GYS2: variants seen among roughly 807,000 people sequenced by gnomAD.
GYS2 encodes glycogen [starch] synthase, liver.
A neutral mutation model predicts 85.6 loss-of-function variants in GYS2; 80 were observed. The ratio of observed to expected loss-of-function variants is 0.93; its 90% CI spans 0.78 to 1.13. The LOEUF is 1.13. GYS2 is among the 50% of genes most tolerant of loss of function. GYS2 has a pLI of 0.00. For synonymous variants in GYS2, 328 were observed against 300.7 expected (o/e 1.09, Z -0.94); for missense variants, 881 against 854.9 (o/e 1.03, Z -0.38).
At chr12:21,535,877 A>T (rs186743750), downstream of GYS2, among the ~76,000 whole-genome samples, 1 of 152,364 alleles carries the variant, frequency 6.6e-6, no homozygotes, top group African/African-American at 2.4e-5. Flanking sequence ...TTGCCAATTT[A>T]GACTTAATTA....
At chr12:21,596,527 A>G (rs1201870286) in intron 1 of GYS2, among the ~76,000 whole-genome samples, 1 of 152,150 alleles carries the variant, frequency 6.6e-6, no homozygotes, top group Non-Finnish European at 1.5e-5. Context: ...GATGCAGAAA[A>G]AGCATTCAAC....
chr12:21,539,126 C>T, intron 15 of GYS2, 132 bp downstream of exon 15: 1 of 649,578 alleles, frequency 1.5e-6, no homozygotes, highest in Non-Finnish European at 2.7e-6. Flanking sequence ...TCCTCTCTCT[C>T]TCCTTTGGTT....
chr12:21,585,739 G>T (rs1049767857), intron 1 of GYS2, among the ~76,000 whole-genome samples: 1 of 152,064 alleles, frequency 6.6e-6, no homozygotes, highest in East Asian at 1.9e-4. Flanking sequence ...AAACACCTTC[G>T]TGTCTGTATA....
At chr12:21,576,212 T>A (rs950179819) in intron 2 of GYS2, among the ~76,000 whole-genome samples, 155 bp from the exon 3 acceptor site, 12 of 152,230 alleles carry the variant, frequency 7.9e-5, no homozygotes, top group African/African-American at 2.9e-4. Flanking sequence ...GCCTCTGCTG[T>A]TTGAGCCTCA....
rs2136883242 is a variant in GYS2, at chr12:21,563,353, G to A, written c.824-8C>T. 1 of 1,359,016 alleles carries A rather than the reference G, an allele frequency of 7.4e-7. No individual in the cohort carries two copies. Among genetic ancestry groups the A allele is most frequent in the Non-Finnish European group, 1.1e-6 (1 of 947,328 alleles). The allele number at this position is 1,359,016 out of a possible 1,614,324, so 84.2% of individuals were successfully genotyped here. A position where few individuals can be genotyped will look rare whatever the true frequency, so the allele number is the denominator to read the frequency against. On this transcript the variant is annotated splice_region_variant and splice_polypyrimidine_tract_variant and intron_variant, in intron 5 of 15. Coordinates refer to ENST00000261195, the MANE Select transcript of GYS2 (RefSeq NM_021957.4). ...CGTTTGGAGTAACTACATCTAGAAA[G>A]GCAAAACAAAATTATTATGAAAATT...
At chr12:21,545,483 T>C (rs1462893794) in intron 12 of GYS2, among the ~76,000 whole-genome samples, 2 of 152,224 alleles carry the variant, frequency 1.3e-5, no homozygotes, top group Non-Finnish European at 2.9e-5. Flanking sequence ...TTTATTTACA[T>C]TGGGCAGAAA....
chr12:21,568,807 C>T, intron 5 of GYS2, 58 bp downstream of exon 5: 1 of 1,482,108 alleles, frequency 6.7e-7, no homozygotes, highest in South Asian at 1.1e-5. Flanking sequence ...AAAACAAAAT[C>T]CTCATAGTGT....
Position 21,589,529 on chromosome 12 carries a change from C to T in GYS2, c.122-9006G>A, listed in dbSNP as rs183457759. Among the ~76,000 whole-genome samples the T allele has an allele frequency of 3.9e-5, 6 of 152,256 alleles. No homozygotes were observed. In the East Asian group the frequency reaches 9.7e-4, roughly 24 times the overall value. ...CCAAAATAGTAAGTAGAAAATCCCA[C>T]ATAAGAGAGAATTCTGGAATTCAAC... On this transcript the variant is annotated intron_variant, in intron 1 of 15. Transcript: ENST00000261195.
intron 1 of GYS2, among the ~76,000 whole-genome samples, chr12:21,597,943 T>C (rs1944714375): frequency 1.3e-5 from 2 of 152,048 alleles, no homozygotes; most frequent in Admixed American, 1.3e-4. Context: ...AAGCCAGGCA[T>C]AGAAAGACAA....
chr12:21,566,469 C>G (rs764534652), intron 5 of GYS2, among the ~76,000 whole-genome samples: 2 of 151,994 alleles, frequency 1.3e-5, no homozygotes, highest in Non-Finnish European at 1.5e-5. Flanking sequence ...ATCAGAGCCA[C>G]CACATGATTC....
At chr12:21,565,167 T>A (rs1944302769) in intron 5 of GYS2, among the ~76,000 whole-genome samples, 1 of 151,788 alleles carries the variant, frequency 6.6e-6, no homozygotes, top group Admixed American at 6.6e-5. Context: ...TATAACAGAA[T>A]AATCTCACAT....
intron 6 of GYS2, 57 bp from the exon 7 acceptor site, chr12:21,563,095 G>T: frequency 2.2e-6 from 3 of 1,346,882 alleles, no homozygotes; most frequent in Non-Finnish European, 1.1e-6. Context: ...GTAACAAAAT[G>T]TACACATGAA....
At chr12:21,570,514 C>G (rs979551166) in intron 4 of GYS2, among the ~76,000 whole-genome samples, 1 of 152,146 alleles carries the variant, frequency 6.6e-6, no homozygotes, top group African/African-American at 2.4e-5. Flanking sequence ...AGTGCAAAGA[C>G]GAAGACTTAT....
chr12:21,593,477 T>C (rs1268772310), intron 1 of GYS2, among the ~76,000 whole-genome samples: 1 of 151,840 alleles, frequency 6.6e-6, no homozygotes, highest in Non-Finnish European at 1.5e-5. Flanking sequence ...TATCAGAGAC[T>C]ATTATGAACA....
intron 1 of GYS2, among the ~76,000 whole-genome samples, chr12:21,582,041 G>A (rs187040794): frequency 1.3e-5 from 2 of 151,956 alleles, no homozygotes; most frequent in African/African-American, 2.4e-5. Flanking sequence ...GCAAAAGACC[G>A]AATCAACAGA....
chr12:21,557,094 G>A (rs544836703), intron 11 of GYS2, among the ~76,000 whole-genome samples: 2 of 152,298 alleles, frequency 1.3e-5, no homozygotes, highest in South Asian at 2.1e-4. Flanking sequence ...CCAGCATGGG[G>A]GGGACACTGA....
At chr12:21,556,741 G>T (rs1163235168) in intron 11 of GYS2, among the ~76,000 whole-genome samples, 3 of 12,704 alleles carry the variant, frequency 2.4e-4, no homozygotes, top group African/African-American at 4.6e-4. Flanking sequence ...AAAGCCAAGA[G>T]GCTATTATTC....
intron 1 of GYS2, among the ~76,000 whole-genome samples, chr12:21,595,378 T>C (rs1488357544): frequency 1.3e-5 from 2 of 152,146 alleles, no homozygotes; most frequent in Admixed American, 6.5e-5. Flanking sequence ...GATCCTCCTC[T>C]CCTAAACACA....
chr12:21,580,158 C>T (rs912902880), intron 2 of GYS2, among the ~76,000 whole-genome samples, 184 bp downstream of exon 2: 1 of 152,206 alleles, frequency 6.6e-6, no homozygotes, highest in Non-Finnish European at 1.5e-5. Context: ...ATTATCCTTC[C>T]TCCTCGGTTT....
Sources: gnomAD v4.1 joint callset for allele counts (sites outside exome capture counted in the v4.1 genomes callset) on GRCh38, gnomAD v4.1.1 for gene constraint, MANE v1.5 for transcripts, NCBI Gene and HGNC (gene_info 2026-07-23, HGNC 2026-07-21) for gene names.